ADD3: variants seen among roughly 807,000 people sequenced by gnomAD.
ADD3 encodes the protein adducin 3.
A neutral mutation model predicts 80.2 loss-of-function variants in ADD3; 25 were observed. That is an observed-to-expected ratio of 0.31 (90% CI 0.23 to 0.44). ADD3 has a LOEUF of 0.44. Among genes scored for constraint, ADD3 ranks in the 20% least tolerant of loss-of-function variants. ADD3 has a pLI of 1.00. For synonymous variants in ADD3, 284 were observed against 289.6 expected (o/e 0.98, Z 0.20); for missense variants, 829 against 847.5 (o/e 0.98, Z 0.27).
At chr10:110,024,755 T>C (rs1429568269) in intron 1 of ADD3, among the ~76,000 whole-genome samples, 1 of 152,230 alleles carries the variant, frequency 6.6e-6, no homozygotes, top group African/African-American at 2.4e-5. Context: ...ATGATTTTAT[T>C]GGTTTCAAAG....
chr10:110,019,368 T>G (rs886066928), intron 1 of ADD3, among the ~76,000 whole-genome samples: 1 of 151,860 alleles, frequency 6.6e-6, no homozygotes, highest in Admixed American at 6.6e-5. Context: ...TTTTTTTTTT[T>G]TTTTGAGACG....
intron 1 of ADD3, among the ~76,000 whole-genome samples, chr10:110,015,826 A>G (rs1852918077): frequency 6.6e-6 from 1 of 152,194 alleles, no homozygotes; most frequent in Non-Finnish European, 1.5e-5. Context: ...ATACCTTAGT[A>G]AAACATGCGA....
chr10:110,032,676 G>A (rs1855186142), intron 1 of ADD3, among the ~76,000 whole-genome samples: 1 of 152,186 alleles, frequency 6.6e-6, no homozygotes, highest in African/African-American at 2.4e-5. Flanking sequence ...ATTACCCTAA[G>A]TGTGTAACCT....
intron 1 of ADD3, among the ~76,000 whole-genome samples, chr10:110,043,126 G>A (rs965778935): frequency 2.0e-5 from 3 of 152,186 alleles, no homozygotes; most frequent in South Asian, 2.1e-4. Flanking sequence ...AATTTTGTTT[G>A]TGTTTCAATT....
At chr10:110,086,638 C>T (rs930026369) in intron 1 of ADD3, among the ~76,000 whole-genome samples, 1 of 152,158 alleles carries the variant, frequency 6.6e-6, no homozygotes, top group Non-Finnish European at 1.5e-5. Context: ...TCCTCCTTCG[C>T]TCGCTTGCTC....
chr10:110,101,455 G>A (rs1848800381), intron 2 of ADD3, among the ~76,000 whole-genome samples: 1 of 151,964 alleles, frequency 6.6e-6, no homozygotes. Flanking sequence ...GCAGCATAGT[G>A]AATCCTTGTC....
At chr10:110,108,206 A>G (rs1410256565) in intron 2 of ADD3, among the ~76,000 whole-genome samples, 1 of 152,174 alleles carries the variant, frequency 6.6e-6, no homozygotes, top group East Asian at 1.9e-4. Context: ...CTGGTATTCC[A>G]GGATCACCAT....
intron 1 of ADD3, among the ~76,000 whole-genome samples, chr10:110,100,173 C>A (rs1848643060): frequency 1.3e-5 from 2 of 151,878 alleles, no homozygotes; most frequent in Non-Finnish European, 2.9e-5. Flanking sequence ...ATGGTGAAAC[C>A]CCATCTCTAC....
intron 1 of ADD3, among the ~76,000 whole-genome samples, chr10:110,076,150 T>C: frequency 6.6e-6 from 1 of 152,222 alleles, no homozygotes; most frequent in East Asian, 1.9e-4. Context: ...AAACTTTAAT[T>C]TTATGATTAT....
intron 1 of ADD3, among the ~76,000 whole-genome samples, chr10:110,022,707 G>A (rs958280315): frequency 6.6e-6 from 1 of 152,076 alleles, no homozygotes; most frequent in Non-Finnish European, 1.5e-5. Flanking sequence ...ACAAACCTGC[G>A]AGCTATACTA....
chr10:110,100,453 A>G (rs1459744642), intron 1 of ADD3, among the ~76,000 whole-genome samples, 172 bp from the exon 2 acceptor site: 1 of 152,148 alleles, frequency 6.6e-6, no homozygotes, highest in African/African-American at 2.4e-5. Flanking sequence ...GAGCATTATA[A>G]TCTAAGATCT....
chr10:110,101,556 G>C (rs1848810854), intron 2 of ADD3, among the ~76,000 whole-genome samples: 1 of 151,168 alleles, frequency 6.6e-6, no homozygotes, highest in African/African-American at 2.4e-5. Context: ...AGGATCACTT[G>C]AGCCCAGAAG....
At chr10:110,025,561 T>C (rs925056093) in intron 1 of ADD3, among the ~76,000 whole-genome samples, 1 of 114,624 alleles carries the variant, frequency 8.7e-6, no homozygotes, top group Non-Finnish European at 1.8e-5. Context: ...CTCTGTATAC[T>C]TTAAAGGAGA....
At chr10:110,121,484 CAATA>C (rs999962822) in intron 8 of ADD3, among the ~76,000 whole-genome samples, 36 of 151,362 alleles carry the variant, frequency 2.4e-4, no homozygotes, top group Admixed American at 1.4e-3. Flanking sequence ...ACTCAGTCCT[CAATA>C]AATAAATAAA....
intron 2 of ADD3, 110 bp downstream of exon 2, chr10:110,100,958 G>C: frequency 3.2e-6 from 3 of 931,406 alleles, no homozygotes; most frequent in Non-Finnish European, 4.6e-6. Context: ...TGGAGGAGGA[G>C]TGGTGACCAG....
intron 1 of ADD3, among the ~76,000 whole-genome samples, chr10:110,017,523 T>TA (rs1387698839): frequency 1.3e-5 from 2 of 152,224 alleles, no homozygotes; most frequent in East Asian, 3.8e-4. Context: ...TGGGAAGAGT[T>TA]ACTGAAGAGG....
chr10:110,095,703 A>G (rs1205537842), intron 1 of ADD3, among the ~76,000 whole-genome samples: 2 of 152,248 alleles, frequency 1.3e-5, no homozygotes, highest in African/African-American at 2.4e-5. Context: ...AAGACGAGAA[A>G]TAACCAGTTG....
chr10:110,079,459 A>AGTGTGTGTGT (rs1238883360), intron 1 of ADD3, among the ~76,000 whole-genome samples: 1 of 112,326 alleles, frequency 8.9e-6, no homozygotes, highest in African/African-American at 4.7e-5. Flanking sequence ...AGAGAGAGAG[A>AGTGTGTGTGT]GAGTGTGTGT....
chr10:110,073,138 CTT>C (rs1189793476), intron 1 of ADD3, among the ~76,000 whole-genome samples: 12 of 94,246 alleles, frequency 1.3e-4, no homozygotes, highest in African/African-American at 4.5e-4. Flanking sequence ...TTTTAGTTTT[CTT>C]TTTTTTTTTT....
Sources: allele counts gnomAD v4.1 joint callset (sites outside exome capture counted in the v4.1 genomes callset), GRCh38; gene constraint gnomAD v4.1.1; transcripts MANE v1.5; gene names NCBI Gene and HGNC (gene_info 2026-07-23, HGNC 2026-07-21).